The following ECE1 variants were observed in gnomAD, a reference collection of about 807,000 sequenced individuals.
ECE1 encodes the protein endothelin-converting enzyme 1.
A neutral mutation model predicts 98.6 loss-of-function variants in ECE1; 35 were observed. The ratio of observed to expected loss-of-function variants is 0.35; its 90% CI spans 0.27 to 0.47. The LOEUF (loss-of-function observed/expected upper bound fraction) is 0.47, where lower values mean the gene tolerates loss of function less well. Among genes scored for constraint, ECE1 ranks in the 20% least tolerant of loss-of-function variants. ECE1 has a pLI of 1.00. For synonymous variants in ECE1, 394 were observed against 407.1 expected (o/e 0.97, Z 0.39); for missense variants, 814 against 1,025.3 (o/e 0.79, Z 2.81).
At position 21,225,057 on chromosome 1, in the gene ECE1, A is replaced by C. The variant is rs2038090; in HGVS notation, c.2040+193T>G. Among the ~76,000 whole-genome samples, 36,779 of 152,132 alleles carry C rather than the reference A, an allele frequency of 0.24. 4,933 individuals carry two copies. The highest frequency in any genetic ancestry group is 0.31 in the Non-Finnish European group (20,785 of 67,970). On this transcript the variant is annotated intron_variant, in intron 17 of 18. Coordinates refer to ENST00000374893, the MANE Select transcript of ECE1 (RefSeq NM_001397.3). This position sits in a 1 kb window ranked among gnomAD's most constrained non-coding sequence, Gnocchi z 5.3. The stretch of plus-strand genomic sequence containing the variant: ...TCAGAGCACAAAGCCTTCTGGTGCC[A>C]AGCCCTGTGGTGGGGGAGCCTCCAC...
rs551744984 is a variant in ECE1 at position 21,236,557 on chromosome 1, G to C, written c.1488+189C>G. Among the ~76,000 whole-genome samples, 18 of 152,340 alleles carry C rather than the reference G, an allele frequency of 1.2e-4. No individual in the cohort carries two copies. In the East Asian group the frequency reaches 2.9e-3, roughly 24 times the overall value. On this transcript the variant is annotated intron_variant, in intron 12 of 18. Transcript: ENST00000374893. ...CCAGCTGCTCGGGAGGCTGAGGTGG[G>C]AGAATCGCTTGAACCCGGGAGGCGG...
intron 10 of ECE1, among the ~76,000 whole-genome samples, chr1:21,241,877 G>C (rs1310346552): frequency 6.6e-6 from 1 of 152,236 alleles, no homozygotes; most frequent in African/African-American, 2.4e-5. Context: ...TGACCGGTCA[G>C]GAAGCCTGCA....
At chr1:21,308,317 C>A (rs990550923) in intron 1 of ECE1, among the ~76,000 whole-genome samples, 1 of 152,152 alleles carries the variant, frequency 6.6e-6, no homozygotes, top group Non-Finnish European at 1.5e-5. Context: ...GAGGGACAAC[C>A]GGAAGTCTTA....
chr1:21,275,364 G>A (rs1219916464), intron 3 of ECE1, among the ~76,000 whole-genome samples: 1 of 152,236 alleles, frequency 6.6e-6, no homozygotes, highest in Non-Finnish European at 1.5e-5. Flanking sequence ...GGAGGCCGAG[G>A]TGGGCGGATC....
In ECE1 at chr1:21,233,619, A is replaced by G. The variant is rs1339299303; in HGVS notation, c.1609T>C (p.Phe537Leu). The G allele has an allele frequency of 1.2e-6, 2 of 1,613,674 alleles. No homozygotes were observed. The highest frequency in any genetic ancestry group is 1.7e-6 in the Non-Finnish European group (2 of 1,179,944). ...PDLYFENAMR[F>L]FNFSWRVTAD... ...GTGACCCTCCATGAGAAGTTGAAAA[A>G]CCGCATGGCATTTTCAAAGTAGAGG... is the stretch of plus-strand genomic sequence containing the variant. Residue 537 changes from phenylalanine to leucine, a missense_variant, in exon 14 of 19, where the codon TTT becomes CTT. Phe to Leu is a conservative substitution (Grantham distance 22). This residue lies in a region of ECE1 where 452 missense variants were observed against 567.3 expected (regional missense o/e 0.80). Coordinates refer to ENST00000374893, the MANE Select transcript of ECE1 (RefSeq NM_001397.3). The surrounding 1 kb of genome is among the most constrained non-coding windows in gnomAD (Gnocchi z 4.0).
chr1:21,276,799 C>T (rs932998213), intron 3 of ECE1, among the ~76,000 whole-genome samples: 1 of 151,916 alleles, frequency 6.6e-6, no homozygotes, highest in African/African-American at 2.4e-5. Context: ...GATTCTCCTG[C>T]CTCAACCTCT....
At chr1:21,334,856 G>C (rs549799131) in intron 1 of ECE1, among the ~76,000 whole-genome samples, 1 of 152,218 alleles carries the variant, frequency 6.6e-6, no homozygotes, top group South Asian at 2.1e-4. Context: ...CAGGACAGAC[G>C]AATATCCTGA....
chr1:21,315,163 A>G (rs1638806789), intron 1 of ECE1, among the ~76,000 whole-genome samples: 1 of 152,226 alleles, frequency 6.6e-6, no homozygotes, highest in Non-Finnish European at 1.5e-5. Context: ...TGGGGGTGAT[A>G]AGGCTCAGAA....
chr1:21,228,238 C>T (rs925817614), intron 14 of ECE1, among the ~76,000 whole-genome samples, 197 bp from the exon 15 acceptor site: 2 of 152,058 alleles, frequency 1.3e-5, no homozygotes, highest in African/African-American at 4.8e-5. Context: ...CTCGTTCTGT[C>T]GCCTAGGCTG....
At chr1:21,263,142 G>C (rs2098229232) in intron 4 of ECE1, among the ~76,000 whole-genome samples, 2 of 152,256 alleles carry the variant, frequency 1.3e-5, no homozygotes, top group Middle Eastern at 6.8e-3. Flanking sequence ...ATGTGGAGTA[G>C]AAGCAGGGGC....
chr1:21,304,233 G>A (rs1638547303), intron 1 of ECE1, among the ~76,000 whole-genome samples: 1 of 146,980 alleles, frequency 6.8e-6, no homozygotes, highest in Non-Finnish European at 1.5e-5. Context: ...GGAGAATGGC[G>A]TGAACCCGGG....
chr1:21,237,467 T>C (rs1450515171), intron 11 of ECE1, among the ~76,000 whole-genome samples: 3 of 152,168 alleles, frequency 2.0e-5, no homozygotes, highest in Admixed American at 6.5e-5. Context: ...CCAGTCACTG[T>C]AATGGATTTG....
chr1:21,332,823 G>T (rs1394283715), intron 1 of ECE1, among the ~76,000 whole-genome samples: 16 of 142,890 alleles, frequency 1.1e-4, no homozygotes, highest in African/African-American at 3.9e-4. Flanking sequence ...GAGGGAAGGG[G>T]GCTGCGGGAA....
At chr1:21,226,598 T>C (rs2098174528) in intron 16 of ECE1, among the ~76,000 whole-genome samples, 1 of 152,190 alleles carries the variant, frequency 6.6e-6, no homozygotes, top group Non-Finnish European at 1.5e-5. Flanking sequence ...ATCATAATCA[T>C]AGTTCACTGT....
intron 2 of ECE1, among the ~76,000 whole-genome samples, chr1:21,286,349 T>C (rs2098260527): frequency 6.6e-6 from 1 of 152,236 alleles, no homozygotes; most frequent in Admixed American, 6.5e-5. Flanking sequence ...GTTTCTGTAA[T>C]AATCCTTGTA....
rs144860890 is a variant in ECE1, at chr1:21,225,252, G to A, written c.2038C>T (p.Arg680Trp). 8.1e-6 allele frequency: 13 copies of A among 1,613,906 alleles called. No individual in the cohort carries two copies. The highest frequency in any genetic ancestry group is 1.6e-4 in the Middle Eastern group (1 of 6,082). ...ADNGGLKAAY[R>W]AYQNWVKKNG... ...CGTGTGGGGAGCGGGGCTCTCACCC[G>A]ATAGGCCGCCTTGAGACCCCCGTTG... is the stretch of plus-strand genomic sequence containing the variant. Residue 680 changes from arginine (R) to tryptophan (W), a missense_variant and splice_region_variant, in exon 17 of 19, where the codon CGG becomes TGG. Transcript: ENST00000374893. The surrounding 1 kb of genome is among the most constrained non-coding windows in gnomAD (Gnocchi z 5.3).
chr1:21,257,662 T>G, intron 6 of ECE1, 72 bp from the exon 7 acceptor site: 1 of 1,517,120 alleles, frequency 6.6e-7, no homozygotes, highest in Middle Eastern at 1.7e-4. Flanking sequence ...CCTCCTGCCC[T>G]GGGAATGGCT....
chr1:21,311,980 G>A (rs1331291669), intron 1 of ECE1, among the ~76,000 whole-genome samples: 2 of 151,128 alleles, frequency 1.3e-5, no homozygotes, highest in Admixed American at 1.3e-4. Flanking sequence ...AAAATTAGCC[G>A]GGCATGGCAG....
intron 14 of ECE1, among the ~76,000 whole-genome samples, chr1:21,231,732 G>A (rs1455453199): frequency 1.3e-5 from 2 of 152,158 alleles, no homozygotes; most frequent in Admixed American, 6.5e-5. Flanking sequence ...GTAGCTCACC[G>A]CAACCTCAAC....
Sources: allele counts gnomAD v4.1 joint callset (sites outside exome capture counted in the v4.1 genomes callset), GRCh38; gene constraint gnomAD v4.1.1; regional missense constraint gnomAD v4.1.1; non-coding constraint Gnocchi (gnomAD v3.1); transcripts MANE v1.5; gene names NCBI Gene and HGNC (gene_info 2026-07-23, HGNC 2026-07-21).